CMKLR2: variants seen among roughly 807,000 people sequenced by gnomAD.
CMKLR2 encodes the protein chemerin-like receptor 2.
A neutral mutation model predicts 23.0 loss-of-function variants in CMKLR2; 18 were observed. The observed-to-expected ratio is 0.78, with a 90% CI of 0.54 to 1.16. CMKLR2 has a LOEUF of 1.16. CMKLR2 is among the 50% of genes most tolerant of loss of function. The pLI, the probability that CMKLR2 is intolerant of heterozygous loss-of-function variation, is 0.00. For synonymous variants in CMKLR2, 158 were observed against 158.9 expected (o/e 0.99, Z 0.05); for missense variants, 401 against 412.7 (o/e 0.97, Z 0.25).
intron 1 of CMKLR2, among the ~76,000 whole-genome samples, chr2:206,201,930 A>C (rs1689110124): frequency 1.3e-5 from 2 of 152,190 alleles, no homozygotes; most frequent in African/African-American, 4.8e-5. Flanking sequence ...TCAAATGCCC[A>C]AGGGCTGGCA....
At chr2:206,185,724 G>A (rs767637170) in intron 1 of CMKLR2, among the ~76,000 whole-genome samples, 22 of 152,122 alleles carry the variant, frequency 1.4e-4, no homozygotes, top group Non-Finnish European at 1.5e-5. Context: ...CAGAGATGAC[G>A]GTGGCTTGGA....
At chr2:206,193,762 G>T (rs893511425) in intron 1 of CMKLR2, among the ~76,000 whole-genome samples, 12 of 152,182 alleles carry the variant, frequency 7.9e-5, no homozygotes, top group Non-Finnish European at 1.3e-4. Context: ...AAATGACTAT[G>T]TCTGAGACTA....
At chr2:206,200,801 G>GT (rs1559094183) in intron 1 of CMKLR2, among the ~76,000 whole-genome samples, 1 of 152,142 alleles carries the variant, frequency 6.6e-6, no homozygotes, top group Non-Finnish European at 1.5e-5. Context: ...AAGGAACACA[G>GT]TAAAAAACCA....
At chr2:206,182,214 C>A (rs1688437488) in intron 1 of CMKLR2, among the ~76,000 whole-genome samples, 1 of 152,034 alleles carries the variant, frequency 6.6e-6, no homozygotes, top group African/African-American at 2.4e-5. Context: ...TCATTTTTAA[C>A]AAACAACACT....
Position 206,191,963 on chromosome 2 carries a change from C to T in CMKLR2, c.-28-14688G>A, listed in dbSNP as rs543184721. Among the ~76,000 whole-genome samples the T allele has an allele frequency of 1.6e-3, 246 of 151,718 alleles. 3 individuals carry two copies. The highest frequency in any genetic ancestry group is 4.3e-4 in the Non-Finnish European group (29 of 67,968). On this transcript the variant is annotated intron_variant, in intron 1 of 1. Transcript: ENST00000621141. ...TCACACTATTCTCCTGCCTCAGCCT[C>T]CTGAGTAGCTGGGATTACAGGCGCA...
At chr2:206,180,783 C>G (rs1010816268) in intron 1 of CMKLR2, among the ~76,000 whole-genome samples, 10 of 58,766 alleles carry the variant, frequency 1.7e-4, no homozygotes, top group Non-Finnish European at 2.5e-4. Context: ...GAGACAGAGT[C>G]TTGCCCTGTT....
At position 206,210,449 on chromosome 2, in the gene CMKLR2, A is replaced by C. The variant is rs112029720; in HGVS notation, c.-29+2858T>G. ...GTCTTTGCTATTGTGAATAGCAAAT[A>C]GCATTTTTACTCTTTTTTTTTTTTT... On this transcript the variant is annotated intron_variant, in intron 1 of 1. Transcript: ENST00000621141. 9.7e-3 allele frequency among the ~76,000 whole-genome samples: 1,417 copies of C among 145,608 alleles called. 26 individuals carry two copies. Among genetic ancestry groups the C allele is most frequent in the African/African-American group, 0.033 (1,347 of 40,456 alleles).
chr2:206,196,100 C>T (rs527914830), intron 1 of CMKLR2, among the ~76,000 whole-genome samples: 4 of 151,958 alleles, frequency 2.6e-5, no homozygotes, highest in East Asian at 1.9e-4. Context: ...CCAGGCCAGG[C>T]GTGGTGGCTC....
chr2:206,176,033 A>T lies in CMKLR2; in HGVS notation c.*147T>A. Reference sequence around the variant, plus strand: ...GATCCTTCCTAAGTTTCATATCCACACAAAAATGTGATGCCTATATAGTGA... The same window carrying T: ...GATCCTTCCTAAGTTTCATATCCACTCAAAAATGTGATGCCTATATAGTGA... On this transcript the variant is annotated 3_prime_UTR_variant, in exon 2 of 2. Transcript: ENST00000621141. 1.9e-6 allele frequency: 1 copy of T among 525,488 alleles called. No individual in the cohort carries two copies. The highest frequency in any genetic ancestry group is 3.2e-6 in the Non-Finnish European group (1 of 312,648). 32.6% of individuals were successfully genotyped at this position (525,488 alleles called of 1,614,324 possible). A position where few individuals can be genotyped will look rare whatever the true frequency, so the allele number is the denominator to read the frequency against.
intron 1 of CMKLR2, among the ~76,000 whole-genome samples, chr2:206,204,235 T>A (rs914176020): frequency 1.3e-5 from 2 of 150,876 alleles, no homozygotes; most frequent in East Asian, 4.0e-4. Context: ...ATCTTTGTAG[T>A]CCCAGCTACT....
At chr2:206,214,532 G>A (rs900429937), upstream of CMKLR2, among the ~76,000 whole-genome samples, 2 of 152,164 alleles carry the variant, frequency 1.3e-5, no homozygotes, top group African/African-American at 4.8e-5. Context: ...AAATTCAAGG[G>A]ATGAGAAGCA....
intron 1 of CMKLR2, among the ~76,000 whole-genome samples, chr2:206,207,728 CTTTTTTTTTTTTTTTTTT>C (rs71034423): frequency 2.3e-5 from 1 of 43,582 alleles, no homozygotes; most frequent in African/African-American, 1.2e-4. Flanking sequence ...ACCTCAGGGC[CTTTTTTTTTTTTTTTTTT>C]TTTTTTTTTT....
upstream of CMKLR2, chr2:206,217,475 A>G (rs902481001): frequency 6.6e-6 from 1 of 152,212 alleles, no homozygotes; most frequent in Non-Finnish European, 1.5e-5. Flanking sequence ...CTAAATGAGG[A>G]CGAAGCCTTG....
upstream of CMKLR2, among the ~76,000 whole-genome samples, chr2:206,214,299 G>GT (rs1285826678): frequency 2.0e-5 from 3 of 150,962 alleles, no homozygotes; most frequent in African/African-American, 7.3e-5. Flanking sequence ...AGCCTCCCAA[G>GT]TAGCTGGGAT....
At position 206,187,304 on chromosome 2, in the gene CMKLR2, A is replaced by G. The variant is rs1214243513; in HGVS notation, c.-28-10029T>C. Among the ~76,000 whole-genome samples, 12 of 152,206 alleles carry G rather than the reference A, an allele frequency of 7.9e-5. 1 individual carries two copies. Among genetic ancestry groups the G allele is most frequent in the South Asian group, 4.1e-4 (2 of 4,836 alleles). On this transcript the variant is annotated intron_variant, in intron 1 of 1. Coordinates refer to ENST00000621141, the MANE Select transcript of CMKLR2 (RefSeq NM_001389445.1). ...CATCTCAAAAAATAAAATAAAAAAA[A>G]GAATGAAGTAGAAGTGGGTCAGGTG...
chr2:206,178,341 A>G (rs565310774), intron 1 of CMKLR2, among the ~76,000 whole-genome samples: 1 of 152,220 alleles, frequency 6.6e-6, no homozygotes, highest in South Asian at 2.1e-4. Flanking sequence ...AGTTCCTACT[A>G]TTTCCTAGAC....
intron 1 of CMKLR2, among the ~76,000 whole-genome samples, chr2:206,201,051 A>G (rs948854794): frequency 6.6e-6 from 1 of 152,094 alleles, no homozygotes; most frequent in Admixed American, 6.6e-5. Flanking sequence ...TCCTGGACTC[A>G]AGGGATCTTC....
At chr2:206,183,978 G>T (rs1001271263) in intron 1 of CMKLR2, among the ~76,000 whole-genome samples, 2 of 152,184 alleles carry the variant, frequency 1.3e-5, no homozygotes, top group Non-Finnish European at 2.9e-5. Context: ...GTTGGCCTAA[G>T]ACAACAGAAA....
chr2:206,204,080 C>T (rs1689214894), intron 1 of CMKLR2: 1 of 152,262 alleles, frequency 6.6e-6, no homozygotes, highest in African/African-American at 2.4e-5. Flanking sequence ...AGGCCGGGCG[C>T]AGTGGCTCAC....
Sources: gnomAD v4.1 joint callset for allele counts (sites outside exome capture counted in the v4.1 genomes callset) on GRCh38, gnomAD v4.1.1 for gene constraint, MANE v1.5 for transcripts, NCBI Gene and HGNC (gene_info 2026-07-23, HGNC 2026-07-21) for gene names.